SLC2A14: variants seen among roughly 807,000 people sequenced by gnomAD.
SLC2A14 encodes the protein solute carrier family 2, facilitated glucose transporter member 14.
A neutral mutation model predicts 43.0 loss-of-function variants in SLC2A14; 13 were observed. The observed-to-expected ratio is 0.30, with a 90% CI of 0.20 to 0.48. The LOEUF (loss-of-function observed/expected upper bound fraction) is 0.48, where lower values mean the gene tolerates loss of function less well. Ranked by LOEUF, SLC2A14 falls within the 20% of genes least tolerant of loss-of-function variation. The probability of loss-of-function intolerance (pLI) is 0.99; values close to 1 mark genes in which losing one functional copy is unlikely to be tolerated. For synonymous variants in SLC2A14, 190 were observed against 233.8 expected (o/e 0.81, Z 1.71); for missense variants, 428 against 620.4 (o/e 0.69, Z 3.29).
At position 7,890,999 on chromosome 12, in the gene SLC2A14, C is replaced by T. The variant is rs183034299; in HGVS notation, c.129G>A (p.Glu43=). The stretch of plus-strand genomic sequence containing the variant: ...TGATCTATCTAGTTCCACTTACCTC[C>T]TCCCCGACGCCCCCATTCTGACTCT... The change falls in exon 1 of 10, where the codon GAG becomes GAA. Residue 43 remains glutamate, a synonymous_variant. Coordinates refer to the SLC2A14 transcript ENST00000539924. 99 of 1,534,522 alleles carry T rather than the reference C, an allele frequency of 6.5e-5. 1 individual carries two copies. The highest frequency in any genetic ancestry group is 7.9e-5 in the Non-Finnish European group (90 of 1,146,228).
chr12:7,873,318 G>T, upstream of SLC2A14: 1 of 985,438 alleles, frequency 1.0e-6, no homozygotes. Flanking sequence ...GGCCGGCTGG[G>T]CTGGGAAGGC....
chr12:7,846,943 T>C (rs1384454014), intron 2 of SLC2A14, among the ~76,000 whole-genome samples: 5 of 149,210 alleles, frequency 3.4e-5, no homozygotes, highest in African/African-American at 9.8e-5. Context: ...TGAATATTCA[T>C]AAATTTTAAA....
At position 7,869,902 on chromosome 12, in the gene SLC2A14, G is replaced by A; in HGVS notation, c.-22C>T. ...CCATCTCTCTGCTATCCTAGGAATT[G>A]ACTCCCTCTCCAATTTCTCTTCAAG... is the stretch of plus-strand genomic sequence containing the variant. On this transcript the variant is annotated 5_prime_UTR_variant, in exon 2 of 11. Coordinates refer to ENST00000431042, the MANE Select transcript of SLC2A14 (RefSeq NM_001286234.2). The A allele has an allele frequency of 6.5e-7, 1 of 1,529,440 alleles. No individual in the cohort carries two copies. Among genetic ancestry groups the A allele is most frequent in the African/African-American group, 1.4e-5 (1 of 73,000 alleles). 94.7% of individuals were successfully genotyped at this position (1,529,440 alleles called of 1,614,324 possible).
At position 7,872,830 on chromosome 12, in the gene SLC2A14, T is replaced by G. The variant is rs1427677492; in HGVS notation, c.-81A>C. The G allele has an allele frequency of 1.0e-6, 1 of 985,536 alleles. No homozygotes were observed. Among genetic ancestry groups the G allele is most frequent in the Non-Finnish European group, 1.2e-6 (1 of 830,070 alleles). 61.0% of individuals were successfully genotyped at this position (985,536 alleles called of 1,614,324 possible). The stretch of plus-strand genomic sequence containing the variant: ...ACCTCCCAGACCCCGCGACTGCGGT[T>G]GGGCCCCGCGGCTTCGCTCAACCAC... On this transcript the variant is annotated 5_prime_UTR_variant, in exon 1 of 11. Transcript: ENST00000431042.
intron 2 of SLC2A14, among the ~76,000 whole-genome samples, chr12:7,844,042 G>A (rs1174952940): frequency 6.6e-6 from 1 of 152,020 alleles, no homozygotes; most frequent in African/African-American, 2.4e-5. Flanking sequence ...GGAGTTTACA[G>A]TTGGGTGAAT....
At position 7,813,250 on chromosome 12, in the gene SLC2A14, G is replaced by A. The variant is rs1198649957; in HGVS notation, c.*1066C>T. 2.6e-5 allele frequency: 4 copies of A among 152,090 alleles called. No individual in the cohort carries two copies. Among genetic ancestry groups the A allele is most frequent in the South Asian group, 2.1e-4 (1 of 4,824 alleles). The allele number at this position is 152,090 out of a possible 1,614,324, so 9.4% of individuals were successfully genotyped here. On this transcript the variant is annotated 3_prime_UTR_variant, in exon 11 of 11. Coordinates refer to ENST00000431042, the MANE Select transcript of SLC2A14 (RefSeq NM_001286234.2). ...AAAATCTCCTAAAGAACAAAGTGGAGAAATAATGAATCTCTACCAAGAACC... is the reference window on the plus strand; with the variant it reads ...AAAATCTCCTAAAGAACAAAGTGGAAAAATAATGAATCTCTACCAAGAACC...
chr12:7,875,765 G>C (rs900283496), upstream of SLC2A14, among the ~76,000 whole-genome samples: 2 of 152,064 alleles, frequency 1.3e-5, no homozygotes, highest in Non-Finnish European at 2.9e-5. Flanking sequence ...CTGAGGTCAG[G>C]CGTTCAAGAC....
rs1363771732 is a variant in SLC2A14, at chr12:7,845,132, T to C, written c.19-12318A>G. Among the ~76,000 whole-genome samples the C allele has an allele frequency of 2.0e-5, 3 of 152,116 alleles. No homozygotes were observed. The South Asian group carries it at 6.2e-4, about 31-fold the overall frequency. ...CATTCTTTCTATTTCACTAGCCTCG[T>C]GAATGGAGAGGTCACCCAATCATCC... is the stretch of plus-strand genomic sequence containing the variant. On this transcript the variant is annotated intron_variant, in intron 2 of 10. Coordinates refer to ENST00000431042, the MANE Select transcript of SLC2A14 (RefSeq NM_001286234.2).
rs761765219 is a variant in SLC2A14, at chr12:7,813,393, T to C, written c.*923A>G. On this transcript the variant is annotated 3_prime_UTR_variant, in exon 11 of 11. Coordinates refer to ENST00000431042, the MANE Select transcript of SLC2A14 (RefSeq NM_001286234.2). ...CGTCCAGTGAGGGGAACAGGCTTTC[T>C]AGAAATCACTTTCTCTTCCCTGGAC... The C allele has an allele frequency of 6.6e-6, 1 of 152,214 alleles. No individual in the cohort carries two copies. The highest frequency in any genetic ancestry group is 1.5e-5 in the Non-Finnish European group (1 of 68,044). 9.4% of individuals were successfully genotyped at this position (152,214 alleles called of 1,614,324 possible).
intron 2 of SLC2A14, chr12:7,863,292 G>A: frequency 2.3e-6 from 1 of 432,396 alleles, no homozygotes; most frequent in Non-Finnish European, 4.6e-6. Context: ...CCCACCAGAA[G>A]GAAAACACTC....
intron 1 of SLC2A14, among the ~76,000 whole-genome samples, chr12:7,881,637 C>A (rs974952013): frequency 2.6e-5 from 4 of 152,172 alleles, no homozygotes; most frequent in African/African-American, 9.6e-5. Context: ...GTCCCATCGA[C>A]CACCCAAGGG....
chr12:7,874,981 TTATATA>T (rs1368168517), upstream of SLC2A14, among the ~76,000 whole-genome samples: 202 of 23,662 alleles, frequency 8.5e-3, no homozygotes, highest in South Asian at 0.021. Flanking sequence ...ATAAATATAT[TTATATA>T]TAAATTATAT....
At chr12:7,890,325 TTCTC>T (rs1458858378) in intron 1 of SLC2A14, among the ~76,000 whole-genome samples, 1 of 152,056 alleles carries the variant, frequency 6.6e-6, no homozygotes, top group Non-Finnish European at 1.5e-5. Context: ...ACCCATCATT[TTCTC>T]TCATGCCTTT....
At chr12:7,835,100 T>TAA (rs35514872) in intron 2 of SLC2A14, among the ~76,000 whole-genome samples, 105 of 144,122 alleles carry the variant, frequency 7.3e-4, no homozygotes, top group African/African-American at 2.6e-3. Context: ...GTAGCTCTAT[T>TAA]AAAAAAAAAA....
chr12:7,815,761 A>T (rs1157997471), intron 10 of SLC2A14, among the ~76,000 whole-genome samples: 1 of 151,724 alleles, frequency 6.6e-6, no homozygotes, highest in African/African-American at 2.4e-5. Flanking sequence ...TTTTTAGTAG[A>T]GGTGGGGATT....
intron 7 of SLC2A14, among the ~76,000 whole-genome samples, chr12:7,821,557 C>T (rs886910815): frequency 6.6e-6 from 1 of 152,094 alleles, no homozygotes; most frequent in Non-Finnish European, 1.5e-5. Flanking sequence ...GTGGCACACA[C>T]CTGTAGTCCC....
At chr12:7,881,260 G>C (rs1384205261) in intron 1 of SLC2A14, among the ~76,000 whole-genome samples, 2 of 152,242 alleles carry the variant, frequency 1.3e-5, no homozygotes, top group East Asian at 3.9e-4. Flanking sequence ...AGCTCCCTCA[G>C]CTTGCGGGAG....
intron 2 of SLC2A14, among the ~76,000 whole-genome samples, chr12:7,849,744 C>CA (rs1406091780): frequency 1.6e-4 from 24 of 148,248 alleles, no homozygotes; most frequent in African/African-American, 5.2e-4. Context: ...ACTAAAAATG[C>CA]AAAAAAAAAT....
intron 7 of SLC2A14, among the ~76,000 whole-genome samples, chr12:7,827,007 C>CTCTCTTTCTCTCCTT (rs1565508987): frequency 7.4e-6 from 1 of 136,006 alleles, no homozygotes; most frequent in African/African-American, 2.9e-5. Context: ...TCTCCTTTCT[C>CTCTCTTTCTCTCCTT]TCTCTCTCTT....
Sources: gnomAD v4.1 joint callset for allele counts (sites outside exome capture counted in the v4.1 genomes callset) on GRCh38, gnomAD v4.1.1 for gene constraint, MANE v1.5 for transcripts, NCBI Gene and HGNC (gene_info 2026-07-23, HGNC 2026-07-21) for gene names.